Variants in SOX5 observed in about 807,000 individuals in gnomAD.
The protein encoded by SOX5 is transcription factor SOX-5.
In SOX5, 9 loss-of-function variants were observed where a neutral mutation model predicts 92.0. That is an observed-to-expected ratio of 0.10 (90% confidence interval 0.06 to 0.17). SOX5 has a LOEUF of 0.17. Ranked by LOEUF, SOX5 falls within the 10% of genes least tolerant of loss-of-function variation. SOX5 has a pLI of 1.00. For missense variants in SOX5, 642 were observed against 944.5 expected (o/e 0.68, Z 4.20); for synonymous variants, 344 against 336.3 (o/e 1.02, Z -0.25).
At chr12:23,870,198 A>G (rs1411049482) in intron 2 of SOX5, among the ~76,000 whole-genome samples, 1 of 152,100 alleles carries the variant, frequency 6.6e-6, no homozygotes, top group Non-Finnish European at 1.5e-5. Flanking sequence ...GAAAAAGACT[A>G]GGGAAGGTAA....
chr12:23,543,493 CTGA>C (rs1942513889), intron 12 of SOX5, 109 bp from the exon 13 acceptor site: 3 of 772,728 alleles, frequency 3.9e-6, no homozygotes, highest in Admixed American at 2.5e-5. Context: ...AAAAGTACTT[CTGA>C]TAATGGTACT....
intron 1 of SOX5, among the ~76,000 whole-genome samples, chr12:24,419,625 T>A (rs886649400): frequency 6.6e-6 from 1 of 152,352 alleles, no homozygotes; most frequent in South Asian, 2.1e-4. Flanking sequence ...TCAATTCTGC[T>A]ATAGATTAGA....
In SOX5 at chr12:24,340,143, G is replaced by A. The variant is rs542044737; in HGVS notation, c.-174+28420C>T. 6.6e-5 allele frequency among the ~76,000 whole-genome samples: 10 copies of A among 152,346 alleles called. No homozygotes were observed. In the South Asian group the frequency reaches 2.1e-3, roughly 32 times the overall value. On this transcript the variant is annotated intron_variant, in intron 2 of 4. Coordinates refer to the SOX5 transcript ENST00000446891. ...ATCTTCAACAACTCGCTGGCACATA[G>A]TCTCCCTTTTAGAGTCTTTTTCTGG...
intron 4 of SOX5, among the ~76,000 whole-genome samples, chr12:23,989,847 C>T (rs1950396790): frequency 6.6e-6 from 1 of 152,032 alleles, no homozygotes; most frequent in Non-Finnish European, 1.5e-5. Context: ...GTTCAAACTA[C>T]CCAGTTTCTG....
intron 4 of SOX5, among the ~76,000 whole-genome samples, chr12:24,095,141 AG>A (rs1176271531): frequency 3.0e-3 from 448 of 150,018 alleles, no homozygotes; most frequent in African/African-American, 0.01. Flanking sequence ...AGAGAGAGAG[AG>A]AGAGAGAGAG....
chr12:23,563,867 A>G (rs952218050), intron 10 of SOX5, among the ~76,000 whole-genome samples: 9 of 152,206 alleles, frequency 5.9e-5, no homozygotes, highest in Non-Finnish European at 1.0e-4. Context: ...GAGGGTCTGT[A>G]TAGCACTATT....
intron 4 of SOX5, among the ~76,000 whole-genome samples, chr12:24,002,811 A>G (rs1951742580): frequency 6.6e-6 from 1 of 152,124 alleles, no homozygotes; most frequent in African/African-American, 2.4e-5. Flanking sequence ...AGGATCAATT[A>G]ACAATTTATT....
At chr12:23,672,852 C>T (rs761526118) in intron 6 of SOX5, among the ~76,000 whole-genome samples, 11 of 152,048 alleles carry the variant, frequency 7.2e-5, no homozygotes, top group Non-Finnish European at 1.6e-4. Context: ...ATTCTTAATG[C>T]TATGCAGGTT....
At chr12:23,887,880 A>C (rs2137373275) in intron 2 of SOX5, among the ~76,000 whole-genome samples, 1 of 151,146 alleles carries the variant, frequency 6.6e-6, no homozygotes, top group Middle Eastern at 3.4e-3. Context: ...GTACAAAGTA[A>C]AGACCTTGAA....
At chr12:24,013,169 T>C (rs1953157850) in intron 4 of SOX5, among the ~76,000 whole-genome samples, 2 of 152,162 alleles carry the variant, frequency 1.3e-5, no homozygotes, top group African/African-American at 4.8e-5. Flanking sequence ...AGAGCAGGAA[T>C]TGTATGGACT....
intron 3 of SOX5, among the ~76,000 whole-genome samples, chr12:23,790,544 T>TCACA (rs1567782135): frequency 1.3e-3 from 5 of 3,914 alleles, no homozygotes; most frequent in South Asian, 7.7e-3. Flanking sequence ...TCTCTCTCAA[T>TCACA]CTCTCACACA....
chr12:23,713,299 A>G (rs2092221961), intron 6 of SOX5, among the ~76,000 whole-genome samples: 1 of 152,182 alleles, frequency 6.6e-6, no homozygotes, highest in Admixed American at 6.5e-5. Flanking sequence ...AACCCTATCA[A>G]CAACTTGATT....
At chr12:23,862,714 T>C (rs573949101) in intron 2 of SOX5, among the ~76,000 whole-genome samples, 2 of 152,256 alleles carry the variant, frequency 1.3e-5, no homozygotes, top group East Asian at 3.9e-4. Flanking sequence ...TAAATGAAGA[T>C]TTAGGCTGAC....
intron 1 of SOX5, among the ~76,000 whole-genome samples, chr12:24,452,043 G>A (rs910988867): frequency 2.0e-5 from 3 of 152,144 alleles, no homozygotes; most frequent in African/African-American, 4.8e-5. Flanking sequence ...TGTTCTGACT[G>A]GCTATCACAT....
intron 6 of SOX5, among the ~76,000 whole-genome samples, chr12:23,721,406 CA>C (rs2092810189): frequency 6.6e-6 from 1 of 151,758 alleles, no homozygotes; most frequent in Non-Finnish European, 1.5e-5. Context: ...TTTTATTGAT[CA>C]AAAAGTTCTA....
chr12:24,238,465 C>A lies in SOX5; in HGVS notation c.-76-25048G>T, dbSNP rs144491279. Among the ~76,000 whole-genome samples the A allele has an allele frequency of 2.0e-3, 302 of 152,326 alleles. 1 individual carries two copies. Among genetic ancestry groups the A allele is most frequent in the African/African-American group, 7.1e-3 (294 of 41,588 alleles). On this transcript the variant is annotated intron_variant, in intron 3 of 4. Transcript: ENST00000446891. ...CCCCCAGGCTCAGGTGATCCTCCCA[C>A]CTCAACCTCCAGAGTAGGTGGGACT...
intron 4 of SOX5, among the ~76,000 whole-genome samples, chr12:24,187,647 T>C (rs1244745218): frequency 1.3e-5 from 2 of 152,206 alleles, no homozygotes; most frequent in East Asian, 3.8e-4. Flanking sequence ...ATTTGGACAC[T>C]CTTTCTCTGA....
chr12:23,674,484 C>G (rs771907211), intron 6 of SOX5, among the ~76,000 whole-genome samples: 4 of 151,482 alleles, frequency 2.6e-5, no homozygotes, highest in Non-Finnish European at 4.4e-5. Context: ...ATCACAGGCA[C>G]ACACCACCGC....
At chr12:24,107,644 G>C (rs1206663908) in intron 4 of SOX5, among the ~76,000 whole-genome samples, 1 of 152,138 alleles carries the variant, frequency 6.6e-6, no homozygotes, top group African/African-American at 2.4e-5. Context: ...CCTAAGGAAG[G>C]GTTTAAAAGG....
Sources: gnomAD v4.1 joint callset for allele counts (sites outside exome capture counted in the v4.1 genomes callset) on GRCh38, gnomAD v4.1.1 for gene constraint, MANE v1.5 for transcripts, NCBI Gene and HGNC (gene_info 2026-07-23, HGNC 2026-07-21) for gene names.